OR2T33: variants seen among roughly 807,000 people sequenced by gnomAD.
OR2T33 encodes the protein olfactory receptor 2T33.
OR2T33 carries 10 observed loss-of-function variants against 14.0 expected under a neutral mutation model. The observed-to-expected ratio is 0.72, with a 90% CI of 0.44 to 1.22. The LOEUF (loss-of-function observed/expected upper bound fraction) is 1.22, where lower values mean the gene tolerates loss of function less well. Ranked by LOEUF, OR2T33 falls within the 50% of genes most tolerant of loss-of-function variation. OR2T33 has a pLI of 0.00. For synonymous variants in OR2T33, 103 were observed against 159.4 expected (o/e 0.65, Z 2.66); for missense variants, 276 against 405.9 (o/e 0.68, Z 2.75).
intron 1 of OR2T33, 96 bp from the exon 2 acceptor site, chr1:248,273,918 G>A (rs1045777347): frequency 4.7e-6 from 7 of 1,482,876 alleles, no homozygotes; most frequent in African/African-American, 3.0e-5. Context: ...TACGTACTGG[G>A]TATGTTATCC....
rs180682701 is a variant in OR2T33, at chr1:248,277,596, G to A, written c.-9+169C>T. ...GCATCTTACATATTCAAAACACCCC[G>A]TGGATGACAGGAAAACATTTACTTT... On this transcript the variant is annotated intron_variant, in intron 1 of 1. Coordinates refer to ENST00000641220, the MANE Select transcript of OR2T33 (RefSeq NM_001004695.2). Among the ~76,000 whole-genome samples the A allele has an allele frequency of 1.6e-4, 25 of 152,160 alleles. No individual in the cohort carries two copies. The East Asian group carries it at 3.9e-3, about 23-fold the overall frequency.
rs191302375 is a variant in OR2T33, at chr1:248,275,210, T to C, written c.-8-1388A>G. Among the ~76,000 whole-genome samples the C allele has an allele frequency of 1.1e-3, 175 of 152,328 alleles. 1 individual carries two copies. Among genetic ancestry groups the C allele is most frequent in the Non-Finnish European group, 1.5e-3 (99 of 68,022 alleles). On this transcript the variant is annotated intron_variant, in intron 1 of 1. Transcript: ENST00000641220. ...CAGTGCCAATGACTGGTTAAATTAC[T>C]ACATCCACTATATGAGCATTCAGAT...
At position 248,271,806 on chromosome 1, in the gene OR2T33, A is replaced by G. The variant is rs1410608583; in HGVS notation, c.*1046T>C. 1 of 152,186 alleles carries G rather than the reference A, an allele frequency of 6.6e-6. No individual in the cohort carries two copies. The highest frequency in any genetic ancestry group is 6.5e-5 in the Admixed American group (1 of 15,280). 9.4% of individuals were successfully genotyped at this position (152,186 alleles called of 1,614,324 possible). Reference sequence around the variant, plus strand: ...ATAGCCTTTATCATAAAACTCTCTAAGACGATTTGATATCCAGTCTCTGGT... The same window carrying G: ...ATAGCCTTTATCATAAAACTCTCTAGGACGATTTGATATCCAGTCTCTGGT... On this transcript the variant is annotated 3_prime_UTR_variant, in exon 2 of 2. Coordinates refer to ENST00000641220, the MANE Select transcript of OR2T33 (RefSeq NM_001004695.2).
intron 1 of OR2T33, among the ~76,000 whole-genome samples, chr1:248,275,408 A>G (rs1659436876): frequency 6.6e-6 from 1 of 152,204 alleles, no homozygotes; most frequent in Non-Finnish European, 1.5e-5. Flanking sequence ...CTGTCTTCCT[A>G]TGTAGTGTAT....
In OR2T33 at chr1:248,271,698, C is replaced by T. The variant is rs1052833105; in HGVS notation, c.*1154G>A. ...TTCAGACACTTATATTGAAGATACA[C>T]TGTCCCTGGAAGCTCTTAGTTATGT... On this transcript the variant is annotated 3_prime_UTR_variant, in exon 2 of 2. Transcript: ENST00000641220. 2 of 152,188 alleles carry T rather than the reference C, an allele frequency of 1.3e-5. No homozygotes were observed. The highest frequency in any genetic ancestry group is 2.9e-5 in the Non-Finnish European group (2 of 68,028). The allele number at this position is 152,188 out of a possible 1,614,324, so 9.4% of individuals were successfully genotyped here. A position where few individuals can be genotyped will look rare whatever the true frequency, so the allele number is the denominator to read the frequency against.
intron 1 of OR2T33, among the ~76,000 whole-genome samples, chr1:248,277,141 T>C (rs1659457338): frequency 6.7e-6 from 1 of 150,110 alleles, no homozygotes; most frequent in African/African-American, 2.4e-5. Context: ...TATATTTATA[T>C]ATATTTCTAG....
In OR2T33 at chr1:248,272,241, C is replaced by T. The variant is rs935439779; in HGVS notation, c.*611G>A. 17 of 151,866 alleles carry T rather than the reference C, an allele frequency of 1.1e-4. No individual in the cohort carries two copies. The highest frequency in any genetic ancestry group is 9.8e-4 in the Admixed American group (15 of 15,252). The allele number at this position is 151,866 out of a possible 1,614,324, so 9.4% of individuals were successfully genotyped here. A position where few individuals can be genotyped will look rare whatever the true frequency, so the allele number is the denominator to read the frequency against. On this transcript the variant is annotated 3_prime_UTR_variant, in exon 2 of 2. Transcript: ENST00000641220. ...AAAAAAATACTTAAATGAAAGGTTA[C>T]ATAAATTAAAAAAGGCTTACGTTTA...
At position 248,272,237 on chromosome 1, in the gene OR2T33, G is replaced by T. The variant is rs1659381082; in HGVS notation, c.*615C>A. The T allele has an allele frequency of 6.6e-6, 1 of 151,902 alleles. No individual in the cohort carries two copies. The highest frequency in any genetic ancestry group is 1.5e-5 in the Non-Finnish European group (1 of 67,980). The allele number at this position is 151,902 out of a possible 1,614,324, so 9.4% of individuals were successfully genotyped here. A position where few individuals can be genotyped will look rare whatever the true frequency, so the allele number is the denominator to read the frequency against. On this transcript the variant is annotated 3_prime_UTR_variant, in exon 2 of 2. Coordinates refer to ENST00000641220, the MANE Select transcript of OR2T33 (RefSeq NM_001004695.2). ...GGAAAAAAAAATACTTAAATGAAAG[G>T]TTACATAAATTAAAAAAGGCTTACG... is the stretch of plus-strand genomic sequence containing the variant.
chr1:248,276,964 A>G (rs1400644036), intron 1 of OR2T33, among the ~76,000 whole-genome samples: 1 of 151,926 alleles, frequency 6.6e-6, no homozygotes, highest in East Asian at 1.9e-4. Context: ...GGCTATATTA[A>G]CTCAGCAAAT....
Position 248,271,221 on chromosome 1 carries a change from T to A in OR2T33, c.*1631A>T, listed in dbSNP as rs960587229. ...AAATTTTATAGGCTTAGTTTACCAT[T>A]TTTAGCTCAACATGTTCTAAAATAA... On this transcript the variant is annotated 3_prime_UTR_variant, in exon 2 of 2. Transcript: ENST00000641220. 7 of 152,186 alleles carry A rather than the reference T, an allele frequency of 4.6e-5. No homozygotes were observed. Among genetic ancestry groups the A allele is most frequent in the African/African-American group, 1.4e-4 (6 of 41,448 alleles). 9.4% of individuals were successfully genotyped at this position (152,186 alleles called of 1,614,324 possible). A position where few individuals can be genotyped will look rare whatever the true frequency, so the allele number is the denominator to read the frequency against.
At chr1:248,276,534 T>C (rs1377140483) in intron 1 of OR2T33, among the ~76,000 whole-genome samples, 2 of 152,172 alleles carry the variant, frequency 1.3e-5, no homozygotes. Flanking sequence ...CTGAAAATTC[T>C]TAGATTCTCT....
At position 248,270,583 on chromosome 1, in the gene OR2T33, CT is replaced by C. The variant is rs1165657832; in HGVS notation, c.*2268del. 3.3e-5 allele frequency: 5 copies of C among 152,166 alleles called. No homozygotes were observed. The East Asian group carries it at 9.7e-4, about 29-fold the overall frequency. The allele number at this position is 152,166 out of a possible 1,614,324, so 9.4% of individuals were successfully genotyped here. On this transcript the variant is annotated 3_prime_UTR_variant, in exon 2 of 2. Coordinates refer to ENST00000641220, the MANE Select transcript of OR2T33 (RefSeq NM_001004695.2). ...ACTGCTTAATGGATGAGGGGTTTTACTTTGGAGTGATGGAAGTGTTTTGGAG... is the reference window on the plus strand; with the variant it reads ...ACTGCTTAATGGATGAGGGGTTTTACTTGGAGTGATGGAAGTGTTTTGGAG...
At position 248,272,696 on chromosome 1, in the gene OR2T33, G is replaced by A; in HGVS notation, c.*156C>T. On this transcript the variant is annotated 3_prime_UTR_variant, in exon 2 of 2. Transcript: ENST00000641220. The stretch of plus-strand genomic sequence containing the variant: ...GAAAAGTACATAAATGCTAAAAATG[G>A]TATCTCTCAATACAATTAGCTCACT... 1.0e-6 allele frequency: 1 copy of A among 971,836 alleles called. No homozygotes were observed. The highest frequency in any genetic ancestry group is 1.5e-6 in the Non-Finnish European group (1 of 663,988). The allele number at this position is 971,836 out of a possible 1,614,324, so 60.2% of individuals were successfully genotyped here.
rs1420169148 is a variant in OR2T33 at position 248,271,464 on chromosome 1, C to G, written c.*1388G>C. 6.6e-6 allele frequency: 1 copy of G among 152,186 alleles called. No homozygotes were observed. Among genetic ancestry groups the G allele is most frequent in the Admixed American group, 6.5e-5 (1 of 15,274 alleles). The allele number at this position is 152,186 out of a possible 1,614,324, so 9.4% of individuals were successfully genotyped here. ...TCAAACAGATGACACTCTCTCCTTT[C>G]ATCCTCAAGTCTTCCAAGGAGAAAA... On this transcript the variant is annotated 3_prime_UTR_variant, in exon 2 of 2. Coordinates refer to ENST00000641220, the MANE Select transcript of OR2T33 (RefSeq NM_001004695.2).
Position 248,276,746 on chromosome 1 carries a change from G to A in OR2T33, c.-9+1019C>T, listed in dbSNP as rs1273472988. Among the ~76,000 whole-genome samples the A allele has an allele frequency of 2.6e-5, 4 of 152,174 alleles. No homozygotes were observed. The East Asian group carries it at 5.8e-4, about 22-fold the overall frequency. On this transcript the variant is annotated intron_variant, in intron 1 of 1. Transcript: ENST00000641220. ...TGATGTATAATATTGTTATAGATGA[G>A]ACTTTTCAGCACATTGTATCAGTCA...
rs1221372617 is a variant in OR2T33, at chr1:248,270,684, A to T, written c.*2168T>A. ...TTGTTCACATTAAAATGCTAATTTC[A>T]TGTTAAAAAAATAGATGCCATCCTT... On this transcript the variant is annotated 3_prime_UTR_variant, in exon 2 of 2. Coordinates refer to ENST00000641220, the MANE Select transcript of OR2T33 (RefSeq NM_001004695.2). 1 of 151,802 alleles carries T rather than the reference A, an allele frequency of 6.6e-6. No individual in the cohort carries two copies. Among genetic ancestry groups the T allele is most frequent in the Non-Finnish European group, 1.5e-5 (1 of 68,034 alleles). 9.4% of individuals were successfully genotyped at this position (151,802 alleles called of 1,614,324 possible).
chr1:248,274,159 A>ATACTGATGG (rs1659423559), intron 1 of OR2T33, among the ~76,000 whole-genome samples: 4 of 152,182 alleles, frequency 2.6e-5, no homozygotes, highest in Admixed American at 2.6e-4. Flanking sequence ...TTTGTTATGT[A>ATACTGATGG]TACTGATGGA....
chr1:248,272,205 A>T lies in OR2T33; in HGVS notation c.*647T>A, dbSNP rs1659380716. The T allele has an allele frequency of 1.3e-5, 2 of 152,158 alleles. No individual in the cohort carries two copies. The allele number at this position is 152,158 out of a possible 1,614,324, so 9.4% of individuals were successfully genotyped here. On this transcript the variant is annotated 3_prime_UTR_variant, in exon 2 of 2. Coordinates refer to ENST00000641220, the MANE Select transcript of OR2T33 (RefSeq NM_001004695.2). Reference sequence around the variant, plus strand: ...ACAATTTTCCAATTCAATTACAATGAGGCCCTGGAAAAAAAAATACTTAAA... The same window carrying T: ...ACAATTTTCCAATTCAATTACAATGTGGCCCTGGAAAAAAAAATACTTAAA...
At chr1:248,276,772 G>A (rs1467240440) in intron 1 of OR2T33, among the ~76,000 whole-genome samples, 1 of 152,122 alleles carries the variant, frequency 6.6e-6, no homozygotes, top group African/African-American at 2.4e-5. Flanking sequence ...GTATCAGTCA[G>A]ATAATTTAAT....
Sources: allele counts gnomAD v4.1 joint callset (sites outside exome capture counted in the v4.1 genomes callset), GRCh38; gene constraint gnomAD v4.1.1; transcripts MANE v1.5; gene names NCBI Gene and HGNC (gene_info 2026-07-23, HGNC 2026-07-21).